CLNK: variants seen among roughly 807,000 people sequenced by gnomAD.
The protein encoded by CLNK is cytokine dependent hematopoietic cell linker, also known as cytokine-dependent hematopoietic cell linker.
CLNK carries 74 observed loss-of-function variants against 68.6 expected under a neutral mutation model. That is an observed-to-expected ratio of 1.08 (90% CI 0.89 to 1.31). CLNK has a LOEUF of 1.31. CLNK is among the 50% of genes most tolerant of loss of function. The probability of loss-of-function intolerance (pLI) is 0.00; values close to 1 mark genes in which losing one functional copy is unlikely to be tolerated. For missense variants in CLNK, 553 were observed against 515.3 expected, an observed-to-expected ratio of 1.07 and a Z score of -0.71; for synonymous variants, 198 against 172.2, an observed-to-expected ratio of 1.15 and a Z score of -1.17.
At chr4:10,702,243 G>A in the CLNK span, among the ~76,000 whole-genome samples, 3 of 152,100 alleles carry the variant, frequency 2.0e-5, no homozygotes, top group Admixed American at 6.5e-5. Context: ...GGCTCTCACA[G>A]GTGTCCAGAT....
chr4:10,732,178 G>A, the CLNK span, among the ~76,000 whole-genome samples: 1 of 152,144 alleles, frequency 6.6e-6, no homozygotes, highest in Non-Finnish European at 1.5e-5. Flanking sequence ...ATATTTATGA[G>A]TTTATGTAAT....
At chr4:10,540,634 G>C (rs1378509653) in intron 10 of CLNK, 30 bp from the exon 11 acceptor site, 1 of 1,517,818 alleles carries the variant, frequency 6.6e-7, no homozygotes, top group Non-Finnish European at 9.1e-7. Flanking sequence ...AGGGTCCTGA[G>C]AAAGTTTGCT....
intron 2 of CLNK, among the ~76,000 whole-genome samples, chr4:10,604,016 G>T (rs1265521923): frequency 5.9e-5 from 9 of 152,186 alleles, no homozygotes; most frequent in African/African-American, 1.9e-4. Flanking sequence ...GAGGGCAGGT[G>T]TCCCCGGGGA....
At chr4:10,608,036 CA>C (rs1027052577) in intron 2 of CLNK, among the ~76,000 whole-genome samples, 1 of 151,996 alleles carries the variant, frequency 6.6e-6, no homozygotes, top group African/African-American at 2.4e-5. Flanking sequence ...AGAAGAGTCC[CA>C]AAAAATCCAT....
intron 1 of CLNK, among the ~76,000 whole-genome samples, chr4:10,675,622 G>A (rs1245676851): frequency 6.6e-6 from 1 of 152,160 alleles, no homozygotes; most frequent in African/African-American, 2.4e-5. Context: ...TTAGGGTAAA[G>A]AAATTGTTTT....
chr4:10,576,158 C>T (rs1189030516), intron 4 of CLNK, among the ~76,000 whole-genome samples: 4 of 152,208 alleles, frequency 2.6e-5, no homozygotes, highest in African/African-American at 9.6e-5. Context: ...GAACCTTCCT[C>T]CTCCCTCACT....
intron 8 of CLNK, among the ~76,000 whole-genome samples, chr4:10,549,917 C>A (rs1719380607): frequency 6.6e-6 from 1 of 152,216 alleles, no homozygotes; most frequent in African/African-American, 2.4e-5. Context: ...ACAGATCTCA[C>A]AAAGTTACTG....
Position 10,490,178 on chromosome 4 carries a change from TTTG to T in CLNK, c.*286_*288del, listed in dbSNP as rs1471009093. On this transcript the variant is annotated 3_prime_UTR_variant, in exon 19 of 19. Coordinates refer to ENST00000226951, the MANE Select transcript of CLNK (RefSeq NM_052964.4). ...CATAATGGCTATGTTTATAGTATTT[TTTG>T]TTGTTGTTTTTTAGAAGATACTTTT... 2.0e-5 allele frequency: 6 copies of T among 302,074 alleles called. No homozygotes were observed. The highest frequency in any genetic ancestry group is 5.9e-5 in the South Asian group (1 of 17,066). 18.7% of individuals were successfully genotyped at this position (302,074 alleles called of 1,614,324 possible). A position where few individuals can be genotyped will look rare whatever the true frequency, so the allele number is the denominator to read the frequency against.
At chr4:10,500,244 G>A (rs910325184) in intron 18 of CLNK, among the ~76,000 whole-genome samples, 4 of 152,138 alleles carry the variant, frequency 2.6e-5, no homozygotes, top group African/African-American at 9.7e-5. Context: ...TTCATCAACA[G>A]AAGAGTTGCA....
At chr4:10,596,290 G>T (rs1480242996) in intron 3 of CLNK, among the ~76,000 whole-genome samples, 1 of 152,212 alleles carries the variant, frequency 6.6e-6, no homozygotes, top group Non-Finnish European at 1.5e-5. Flanking sequence ...CTCCCAAAGT[G>T]CTGGGATTAC....
At chr4:10,521,302 A>T (rs1718052907) in intron 14 of CLNK, among the ~76,000 whole-genome samples, 1 of 152,242 alleles carries the variant, frequency 6.6e-6, no homozygotes, top group African/African-American at 2.4e-5. Flanking sequence ...TTATGATAAG[A>T]AAAACCCCAA....
In CLNK at chr4:10,558,454, T is replaced by A. The variant is rs765345168; in HGVS notation, c.400-2A>T. Reference sequence around the variant, plus strand: ...GTCCTTGGAAATGGGTTTGTCCACCTGTACAAGACAATGAGGCACCATTAT... The same window carrying A: ...GTCCTTGGAAATGGGTTTGTCCACCAGTACAAGACAATGAGGCACCATTAT... On this transcript the variant is annotated splice_acceptor_variant, in intron 7 of 18. Transcript: ENST00000226951. LOFTEE classifies it high-confidence loss of function. The A allele has an allele frequency of 6.2e-7, 1 of 1,613,616 alleles. No homozygotes were observed. The highest frequency in any genetic ancestry group is 1.1e-5 in the South Asian group (1 of 91,052).
chr4:10,622,076 G>T (rs939395909), intron 2 of CLNK, among the ~76,000 whole-genome samples: 5 of 152,186 alleles, frequency 3.3e-5, no homozygotes, highest in Non-Finnish European at 7.3e-5. Flanking sequence ...TAAGAAAAAA[G>T]TTTTTGTTTG....
Position 10,585,958 on chromosome 4 carries a change from G to A in CLNK, c.84-1003C>T, listed in dbSNP as rs183000118. Among the ~76,000 whole-genome samples, 5 of 152,194 alleles carry A rather than the reference G, an allele frequency of 3.3e-5. No homozygotes were observed. In the East Asian group the frequency reaches 5.8e-4, roughly 18 times the overall value. On this transcript the variant is annotated intron_variant, in intron 3 of 18. Transcript: ENST00000226951. ...ACAGATGGGGGTGGGGGATGGTTTC[G>A]GGATGAAGGGAAGAAATTGTTCTAC... is the stretch of plus-strand genomic sequence containing the variant.
At chr4:10,664,369 G>A (rs575833605) in intron 2 of CLNK, among the ~76,000 whole-genome samples, 1 of 152,142 alleles carries the variant, frequency 6.6e-6, no homozygotes, top group East Asian at 1.9e-4. Context: ...AATTGACTGG[G>A]TTAATAATTT....
chr4:10,664,906 T>G (rs1724330962), intron 2 of CLNK, among the ~76,000 whole-genome samples: 1 of 152,216 alleles, frequency 6.6e-6, no homozygotes, highest in Non-Finnish European at 1.5e-5. Flanking sequence ...CGTTCTAATT[T>G]TAATATTTAC....
intron 3 of CLNK, among the ~76,000 whole-genome samples, chr4:10,589,334 A>C (rs1721100244): frequency 1.3e-5 from 2 of 152,144 alleles, no homozygotes; most frequent in African/African-American, 4.8e-5. Flanking sequence ...TATAGCAGCA[A>C]CGTAGACCGC....
chr4:10,665,873 C>T (rs911501479), intron 2 of CLNK, among the ~76,000 whole-genome samples: 4 of 152,116 alleles, frequency 2.6e-5, no homozygotes, highest in Non-Finnish European at 4.4e-5. Flanking sequence ...AAATCTCCAT[C>T]GCTTGTGAAT....
intron 2 of CLNK, among the ~76,000 whole-genome samples, chr4:10,654,890 C>A (rs375459019): frequency 6.6e-6 from 1 of 151,966 alleles, no homozygotes; most frequent in Non-Finnish European, 1.5e-5. Flanking sequence ...ATCACTAGGT[C>A]AGGAGATCGA....
Sources: gnomAD v4.1 joint callset for allele counts (sites outside exome capture counted in the v4.1 genomes callset) on GRCh38, gnomAD v4.1.1 for gene constraint, MANE v1.5 for transcripts, NCBI Gene and HGNC (gene_info 2026-07-23, HGNC 2026-07-21) for gene names.